The following NEDD4 variants were observed in gnomAD, a reference collection of about 807,000 sequenced individuals.
NEDD4 encodes E3 ubiquitin-protein ligase NEDD4.
NEDD4 carries 99 observed loss-of-function variants against 144.9 expected under a neutral mutation model. That is an observed-to-expected ratio of 0.68 (90% CI 0.58 to 0.81). The LOEUF (loss-of-function observed/expected upper bound fraction) is 0.81, where lower values mean the gene tolerates loss of function less well. Ranked by LOEUF, NEDD4 falls within the 30% of genes least tolerant of loss-of-function variation. NEDD4 has a pLI of 0.00. For missense variants in NEDD4, 985 were observed against 1,065.9 expected, an observed-to-expected ratio of 0.92 and a Z score of 1.06; for synonymous variants, 318 against 350.6, an observed-to-expected ratio of 0.91 and a Z score of 1.04.
chr15:55,906,348 C>T (rs1232673528), intron 5 of NEDD4, among the ~76,000 whole-genome samples: 1 of 152,130 alleles, frequency 6.6e-6, no homozygotes, highest in Non-Finnish European at 1.5e-5. Flanking sequence ...TTTATTGCAG[C>T]ACTATTCACA....
intron 27 of NEDD4, 99 bp from the exon 28 acceptor site, chr15:55,830,685 G>C (rs553457462): frequency 1.6e-5 from 14 of 881,576 alleles, no homozygotes; most frequent in African/African-American, 8.3e-5. Flanking sequence ...CACACACACA[G>C]GGAACTAATC....
At chr15:55,976,886 G>A (rs1318168623) in intron 1 of NEDD4, among the ~76,000 whole-genome samples, 1 of 152,010 alleles carries the variant, frequency 6.6e-6, no homozygotes, top group Non-Finnish European at 1.5e-5. Context: ...ACCCGCCTTG[G>A]CCTCCCGAAG....
At chr15:55,989,135 G>T (rs2037947953) in intron 1 of NEDD4, among the ~76,000 whole-genome samples, 2 of 152,070 alleles carry the variant, frequency 1.3e-5, no homozygotes, top group South Asian at 2.1e-4. Context: ...ACCCTGGAGG[G>T]TGATGCAGGA....
At chr15:55,987,238 C>T (rs2037911122) in intron 1 of NEDD4, 2 of 46,586 alleles carry the variant, frequency 4.3e-5, no homozygotes, top group East Asian at 1.0e-3. Context: ...ATGAGCATTT[C>T]TTCATGTGTT....
chr15:55,982,188 A>G (rs2037814654), intron 1 of NEDD4, among the ~76,000 whole-genome samples: 1 of 152,234 alleles, frequency 6.6e-6, no homozygotes, highest in Non-Finnish European at 1.5e-5. Flanking sequence ...TTAAAATGGT[A>G]CAATCGTGTT....
intron 5 of NEDD4, among the ~76,000 whole-genome samples, chr15:55,917,498 A>C (rs755916131): frequency 6.6e-6 from 1 of 151,972 alleles, no homozygotes; most frequent in Non-Finnish European, 1.5e-5. Flanking sequence ...TCAAACAGTT[A>C]GGTAAATTTG....
intron 5 of NEDD4, chr15:55,916,853 T>C: frequency 6.4e-7 from 1 of 1,570,408 alleles, no homozygotes; most frequent in East Asian, 2.3e-5. Flanking sequence ...TCCAAACATG[T>C]TAAGGGCTGA....
chr15:55,854,099 C>T (rs368656606), intron 12 of NEDD4, among the ~76,000 whole-genome samples: 4 of 151,890 alleles, frequency 2.6e-5, no homozygotes, highest in African/African-American at 4.8e-5. Context: ...TGCAGTGAGC[C>T]GAGATCGCCT....
chr15:55,927,922 A>T (rs12594913), intron 4 of NEDD4, among the ~76,000 whole-genome samples: 17,387 of 152,242 alleles, frequency 0.11, 1,189 homozygotes, highest in East Asian at 0.32. Context: ...AATATCTAGC[A>T]GACACTGCAG....
intron 8 of NEDD4, among the ~76,000 whole-genome samples, chr15:55,868,624 A>C (rs2034668619): frequency 6.6e-6 from 1 of 151,994 alleles, no homozygotes; most frequent in African/African-American, 2.4e-5. Context: ...TTCCACCATG[A>C]TTGTGAGACC....
chr15:55,924,253 C>G (rs2142233084), intron 5 of NEDD4: 1 of 171,366 alleles, frequency 5.8e-6, no homozygotes, highest in African/African-American at 2.4e-5. Flanking sequence ...ATACAGGTAA[C>G]CCTAAGAAAG....
At chr15:55,929,495 C>T (rs2036739207) in intron 4 of NEDD4, among the ~76,000 whole-genome samples, 1 of 152,078 alleles carries the variant, frequency 6.6e-6, no homozygotes, top group African/African-American at 2.4e-5. Flanking sequence ...CTCTCCTCTA[C>T]CCTCAAGCAG....
intron 5 of NEDD4, among the ~76,000 whole-genome samples, chr15:55,895,285 A>T (rs1266693483): frequency 6.6e-6 from 1 of 152,206 alleles, no homozygotes; most frequent in African/African-American, 2.4e-5. Flanking sequence ...GAAGAGGTGG[A>T]CGCTAACATT....
chr15:55,972,075 A>G (rs1280431127), intron 1 of NEDD4, among the ~76,000 whole-genome samples: 1 of 152,210 alleles, frequency 6.6e-6, no homozygotes, highest in African/African-American at 2.4e-5. Flanking sequence ...TGGACAAACA[A>G]AAGCTGAGGG....
rs1440447190 is a variant in NEDD4, at chr15:55,848,712, A to G, written c.1428+94T>C. On this transcript the variant is annotated intron_variant, in intron 15 of 28. Coordinates refer to ENST00000435532, the MANE Select transcript of NEDD4 (RefSeq NM_006154.4). The stretch of plus-strand genomic sequence containing the variant: ...AGAAGGTATCAACATTTTAATAATA[A>G]CATTAATTATAGATGATAAAGAAAT... 2.3e-6 allele frequency: 3 copies of G among 1,299,670 alleles called. No homozygotes were observed. In the African/African-American group the frequency reaches 4.4e-5, roughly 19 times the overall value. 80.5% of individuals were successfully genotyped at this position (1,299,670 alleles called of 1,614,324 possible). A position where few individuals can be genotyped will look rare whatever the true frequency, so the allele number is the denominator to read the frequency against.
intron 2 of NEDD4, among the ~76,000 whole-genome samples, chr15:55,965,501 G>T (rs2037497209): frequency 6.6e-6 from 1 of 152,110 alleles, no homozygotes; most frequent in African/African-American, 2.4e-5. Flanking sequence ...TCTCTGTTCA[G>T]ATCTTTTGTC....
chr15:55,857,477 C>T lies in NEDD4; in HGVS notation c.961-1281G>A, dbSNP rs371401529. 5.8e-4 allele frequency among the ~76,000 whole-genome samples: 88 copies of T among 152,166 alleles called. No individual in the cohort carries two copies. The South Asian group carries it at 0.016, about 28-fold the overall frequency. Reference sequence around the variant, plus strand: ...CCGAGTAGCTGGGATTACAGACACACGCCACTGCACTCGGCTAATTTTTGT... The same window carrying T: ...CCGAGTAGCTGGGATTACAGACACATGCCACTGCACTCGGCTAATTTTTGT... On this transcript the variant is annotated intron_variant, in intron 11 of 28. Transcript: ENST00000435532.
intron 2 of NEDD4, among the ~76,000 whole-genome samples, chr15:55,954,038 T>C (rs2037293339): frequency 6.6e-6 from 1 of 152,216 alleles, no homozygotes; most frequent in African/African-American, 2.4e-5. Flanking sequence ...CCTTAATTCA[T>C]GTTACACTTC....
intron 11 of NEDD4, among the ~76,000 whole-genome samples, chr15:55,859,728 C>T (rs143239652): frequency 6.6e-6 from 1 of 152,152 alleles, no homozygotes; most frequent in East Asian, 1.9e-4. Context: ...AAAAAACCAA[C>T]TTCAGCATAA....
Sources: gnomAD v4.1 joint callset for allele counts (sites outside exome capture counted in the v4.1 genomes callset) on GRCh38, gnomAD v4.1.1 for gene constraint, MANE v1.5 for transcripts, NCBI Gene and HGNC (gene_info 2026-07-23, HGNC 2026-07-21) for gene names.